APIP: variants seen among roughly 807,000 people sequenced by gnomAD.
APIP encodes APAF1 interacting protein, also known as methylthioribulose-1-phosphate dehydratase.
In APIP, 32 loss-of-function variants were observed where a neutral mutation model predicts 32.0. The observed-to-expected ratio is 1.00, with a 90% confidence interval of 0.76 to 1.34. The LOEUF (loss-of-function observed/expected upper bound fraction) is 1.34. APIP is among the 40% of genes most tolerant of loss of function. The pLI is 0.00. For missense variants in APIP, 247 were observed against 298.6 expected (o/e 0.83, Z 1.27); for synonymous variants, 92 against 94.8 (o/e 0.97, Z 0.17).
At chr11:34,911,643 A>G (rs1853552671) in intron 1 of APIP, among the ~76,000 whole-genome samples, 1 of 152,210 alleles carries the variant, frequency 6.6e-6, no homozygotes, top group African/African-American at 2.4e-5. Context: ...TTAAAAAAGC[A>G]AAACTAAACA....
At chr11:34,901,332 C>A (rs533137990) in intron 1 of APIP, among the ~76,000 whole-genome samples, 2 of 151,358 alleles carry the variant, frequency 1.3e-5, no homozygotes, top group South Asian at 4.1e-4. Context: ...AGATCTGCCC[C>A]CAGAGACGGA....
chr11:34,907,557 C>T (rs958358946), intron 1 of APIP, among the ~76,000 whole-genome samples: 2 of 152,160 alleles, frequency 1.3e-5, no homozygotes, highest in Non-Finnish European at 2.9e-5. Context: ...CAGAGATATA[C>T]TTGGTGAAAA....
At chr11:34,899,765 A>G (rs1241985014) in intron 1 of APIP, among the ~76,000 whole-genome samples, 1 of 152,214 alleles carries the variant, frequency 6.6e-6, no homozygotes, top group Non-Finnish European at 1.5e-5. Flanking sequence ...ACCTACAGTC[A>G]TGGGCAGCAC....
intron 5 of APIP, among the ~76,000 whole-genome samples, chr11:34,884,969 A>G (rs918526310): frequency 1.1e-4 from 16 of 151,824 alleles, no homozygotes; most frequent in Admixed American, 3.9e-4. Context: ...GAGAGCCAGG[A>G]TAGCCCTTTG....
At chr11:34,900,000 A>G (rs1027108486) in intron 1 of APIP, among the ~76,000 whole-genome samples, 1 of 152,204 alleles carries the variant, frequency 6.6e-6, no homozygotes, top group Non-Finnish European at 1.5e-5. Context: ...GACTTTGAAG[A>G]AAAAATGCCT....
chr11:34,902,234 T>G (rs1031518017), intron 1 of APIP, among the ~76,000 whole-genome samples: 2 of 152,234 alleles, frequency 1.3e-5, no homozygotes, highest in Non-Finnish European at 2.9e-5. Context: ...CCAGTTAACA[T>G]GGACGGTGCT....
At chr11:34,901,014 C>T (rs1853362271) in intron 1 of APIP, among the ~76,000 whole-genome samples, 1 of 151,966 alleles carries the variant, frequency 6.6e-6, no homozygotes, top group African/African-American at 2.4e-5. Context: ...AGGTAGCTCC[C>T]AATATTAAAA....
intron 5 of APIP, among the ~76,000 whole-genome samples, chr11:34,887,751 C>T (rs1853103174): frequency 6.6e-6 from 1 of 152,066 alleles, no homozygotes. Flanking sequence ...AGAATTACTA[C>T]ACTTTTGTGG....
chr11:34,897,654 T>C (rs1044744686), intron 1 of APIP, among the ~76,000 whole-genome samples: 1 of 152,220 alleles, frequency 6.6e-6, no homozygotes, highest in African/African-American at 2.4e-5. Context: ...CAAGCTTTGA[T>C]GTGCAAATGC....
chr11:34,908,745 T>TAATGAAGGACGGTGGGAGTATATG (rs1251889227), intron 1 of APIP, among the ~76,000 whole-genome samples: 9 of 152,206 alleles, frequency 5.9e-5, no homozygotes, highest in Non-Finnish European at 2.9e-5. Flanking sequence ...ATATCTGTCT[T>TAATGAAGGACGGTGGGAGTATATG]AATGAAGGAC....
chr11:34,898,323 G>A (rs1378907407), intron 1 of APIP, among the ~76,000 whole-genome samples: 1 of 152,130 alleles, frequency 6.6e-6, no homozygotes, highest in Admixed American at 6.5e-5. Flanking sequence ...GCTTGCTGGT[G>A]GAGAACACGG....
rs752038800 is a variant in APIP, at chr11:34,895,130, T to G, written c.58-20A>C. On this transcript the variant is annotated intron_variant, in intron 1 of 6. Coordinates refer to ENST00000395787, the MANE Select transcript of APIP (RefSeq NM_015957.4). ...CTTGTCCTTAAAAAGAAGGTAATGA[T>G]TTTTAAAACAGACATCATTTTATCA... 2.6e-5 allele frequency: 42 copies of G among 1,587,926 alleles called. No individual in the cohort carries two copies. The highest frequency in any genetic ancestry group is 8.6e-6 in the Non-Finnish European group (10 of 1,156,356).
In APIP at chr11:34,916,308, G is replaced by A; in HGVS notation, c.-24C>T. 9.3e-6 allele frequency: 15 copies of A among 1,610,376 alleles called. No homozygotes were observed. The highest frequency in any genetic ancestry group is 1.3e-5 in the Non-Finnish European group (15 of 1,178,636). ...ATGGCCCAGACCAGGGACCCGCGCG[G>A]CCTCCAATCTCCGCACGGCTTTGCG... On this transcript the variant is annotated 5_prime_UTR_variant, in exon 1 of 7. Transcript: ENST00000395787.
At chr11:34,899,848 C>A (rs1853346386) in intron 1 of APIP, among the ~76,000 whole-genome samples, 1 of 152,218 alleles carries the variant, frequency 6.6e-6, no homozygotes, top group South Asian at 2.1e-4. Context: ...GTTTTCTTCT[C>A]CACCCTGGGT....
At chr11:34,897,576 T>C (rs1853297883) in intron 1 of APIP, among the ~76,000 whole-genome samples, 1 of 152,030 alleles carries the variant, frequency 6.6e-6, no homozygotes, top group Non-Finnish European at 1.5e-5. Context: ...TTTTTTTTTT[T>C]CTTTTAATAA....
intron 1 of APIP, among the ~76,000 whole-genome samples, chr11:34,911,149 G>A (rs1365689860): frequency 6.6e-6 from 1 of 152,114 alleles, no homozygotes; most frequent in Non-Finnish European, 1.5e-5. Flanking sequence ...TGGTAAAAGG[G>A]TAGGGGTTGG....
chr11:34,894,250 C>T (rs962105894), intron 2 of APIP, among the ~76,000 whole-genome samples: 18 of 152,060 alleles, frequency 1.2e-4, no homozygotes, highest in Admixed American at 4.6e-4. Context: ...CTGAGGAATA[C>T]AGATTAGCAG....
In APIP at chr11:34,888,132, C is replaced by T. The variant is rs566670732; in HGVS notation, c.461+161G>A. 5.9e-5 allele frequency among the ~76,000 whole-genome samples: 9 copies of T among 152,042 alleles called. No homozygotes were observed. The East Asian group carries it at 1.2e-3, about 20-fold the overall frequency. ...GGGAGAGGAGGGAAGACATCCCATT[C>T]GTGTCATGAGAATAGGTCTAGAAGT... On this transcript the variant is annotated intron_variant, in intron 5 of 6. Transcript: ENST00000395787.
rs539434182 is a variant in APIP at position 34,893,825 on chromosome 11, A to G, written c.158+1185T>C. Among the ~76,000 whole-genome samples the G allele has an allele frequency of 1.4e-4, 21 of 152,306 alleles. No individual in the cohort carries two copies. In the South Asian group the frequency reaches 1.9e-3, roughly 14 times the overall value. ...TACCATTGAATCCCTTTTGTTCCCAATGTTCTGATTATATTTTACATTCCA... is the reference window on the plus strand; with the variant it reads ...TACCATTGAATCCCTTTTGTTCCCAGTGTTCTGATTATATTTTACATTCCA... On this transcript the variant is annotated intron_variant, in intron 2 of 6. Transcript: ENST00000395787.
Sources: gnomAD v4.1 joint callset for allele counts (sites outside exome capture counted in the v4.1 genomes callset) on GRCh38, gnomAD v4.1.1 for gene constraint, MANE v1.5 for transcripts, NCBI Gene and HGNC (gene_info 2026-07-23, HGNC 2026-07-21) for gene names.